TNR: variants seen among roughly 807,000 people sequenced by gnomAD.
The protein encoded by TNR is tenascin R.
In TNR, 45 loss-of-function variants were observed where a neutral mutation model predicts 150.4. The ratio of observed to expected loss-of-function variants is 0.30; its 90% CI spans 0.24 to 0.38. The LOEUF (loss-of-function observed/expected upper bound fraction) is 0.38, where lower values mean the gene tolerates loss of function less well. Ranked by LOEUF, TNR falls within the 10% of genes least tolerant of loss-of-function variation. The pLI, the probability that TNR is intolerant of heterozygous loss-of-function variation, is 1.00. For synonymous variants in TNR, 687 were observed against 678.4 expected, an observed-to-expected ratio of 1.01 and a Z score of -0.20; for missense variants, 1,544 against 1,759.1, an observed-to-expected ratio of 0.88 and a Z score of 2.19.
intron 2 of TNR, among the ~76,000 whole-genome samples, chr1:175,444,338 A>G (rs1336260357): frequency 1.3e-5 from 2 of 152,108 alleles, no homozygotes; most frequent in African/African-American, 2.4e-5. Flanking sequence ...GCGAGACTCA[A>G]TGGAGGCCTT....
intron 2 of TNR, among the ~76,000 whole-genome samples, chr1:175,518,944 C>G (rs982170497): frequency 5.9e-5 from 9 of 152,190 alleles, no homozygotes. Context: ...TTTGATAAAG[C>G]TACAGGCATC....
intron 1 of TNR, among the ~76,000 whole-genome samples, chr1:175,551,142 T>G (rs1457736501): frequency 6.6e-6 from 1 of 152,130 alleles, no homozygotes; most frequent in Non-Finnish European, 1.5e-5. Context: ...CATTAGAAAC[T>G]TCCAGAGAAA....
chr1:175,510,051 A>T (rs1321459481), intron 2 of TNR, among the ~76,000 whole-genome samples: 1 of 151,916 alleles, frequency 6.6e-6, no homozygotes, highest in African/African-American at 2.4e-5. Context: ...ACATGGCAAA[A>T]TCCTGTCTCT....
intron 2 of TNR, among the ~76,000 whole-genome samples, chr1:175,511,319 T>G (rs967073128): frequency 6.6e-6 from 1 of 152,264 alleles, no homozygotes; most frequent in Non-Finnish European, 1.5e-5. Context: ...AATTGTGTTT[T>G]CATTTATGTC....
intron 1 of TNR, among the ~76,000 whole-genome samples, chr1:175,566,829 C>T (rs1187420857): frequency 6.6e-6 from 1 of 152,126 alleles, no homozygotes; most frequent in Non-Finnish European, 1.5e-5. Context: ...GTTTTTTTGT[C>T]CACAAGGAGA....
chr1:175,603,877 G>C (rs189050192), intron 1 of TNR, among the ~76,000 whole-genome samples: 1 of 152,202 alleles, frequency 6.6e-6, no homozygotes, highest in African/African-American at 2.4e-5. Flanking sequence ...TAGACTGCAG[G>C]CTCCTTCAGG....
intron 1 of TNR, among the ~76,000 whole-genome samples, chr1:175,652,993 T>G (rs1665047226): frequency 2.0e-5 from 3 of 152,182 alleles, no homozygotes; most frequent in African/African-American, 7.2e-5. Flanking sequence ...ATACATTACT[T>G]TACACCTATA....
intron 1 of TNR, among the ~76,000 whole-genome samples, chr1:175,644,490 T>C (rs1335758381): frequency 1.3e-5 from 2 of 152,212 alleles, no homozygotes; most frequent in Non-Finnish European, 2.9e-5. Context: ...TGAGGACATA[T>C]GTTATAAAGT....
chr1:175,654,949 C>T (rs1274476323), intron 1 of TNR, among the ~76,000 whole-genome samples: 2 of 152,216 alleles, frequency 1.3e-5, no homozygotes, highest in South Asian at 4.1e-4. Flanking sequence ...GTCTCGATCT[C>T]CTGACCTCGT....
At chr1:175,689,106 A>AC (rs1357643745) in intron 1 of TNR, among the ~76,000 whole-genome samples, 1 of 152,158 alleles carries the variant, frequency 6.6e-6, no homozygotes, top group East Asian at 1.9e-4. Flanking sequence ...TCTCTGTAGG[A>AC]CCACGTCGGA....
intron 1 of TNR, among the ~76,000 whole-genome samples, chr1:175,685,740 G>C (rs543585976): frequency 4.6e-5 from 7 of 152,046 alleles, no homozygotes; most frequent in Non-Finnish European, 1.0e-4. Flanking sequence ...AGTTTTCTCA[G>C]GTCCCAAATC....
intron 18 of TNR, among the ~76,000 whole-genome samples, chr1:175,344,560 G>A (rs1010832473): frequency 6.6e-6 from 1 of 152,088 alleles, no homozygotes; most frequent in African/African-American, 2.4e-5. Flanking sequence ...CTGTCCTATT[G>A]AATAGTACAA....
intron 1 of TNR, among the ~76,000 whole-genome samples, chr1:175,590,695 C>A (rs1391610714): frequency 2.0e-5 from 3 of 152,236 alleles, no homozygotes; most frequent in African/African-American, 7.2e-5. Context: ...GGCCAAAGGA[C>A]AGCGTGGGCT....
chr1:175,504,401 G>A (rs1658866521), intron 2 of TNR, among the ~76,000 whole-genome samples: 1 of 152,170 alleles, frequency 6.6e-6, no homozygotes, highest in African/African-American at 2.4e-5. Context: ...GAGGAGGCAG[G>A]TAGCAGTGAA....
intron 2 of TNR, among the ~76,000 whole-genome samples, chr1:175,521,558 G>A (rs1659640262): frequency 6.6e-6 from 1 of 152,236 alleles, no homozygotes; most frequent in Non-Finnish European, 1.5e-5. Context: ...TGGCACAGGT[G>A]CCCAGGGAGA....
intron 2 of TNR, among the ~76,000 whole-genome samples, chr1:175,510,966 G>A (rs1659146617): frequency 6.6e-6 from 1 of 152,216 alleles, no homozygotes; most frequent in Non-Finnish European, 1.5e-5. Context: ...GGAATTAGCT[G>A]CTTATATGGC....
intron 2 of TNR, among the ~76,000 whole-genome samples, chr1:175,417,196 TA>T (rs1428466973): frequency 6.6e-6 from 1 of 152,170 alleles, no homozygotes; most frequent in Non-Finnish European, 1.5e-5. Flanking sequence ...GAATTAACAT[TA>T]CTAATTTAAA....
chr1:175,504,676 G>C (rs975533521), intron 2 of TNR, among the ~76,000 whole-genome samples: 3 of 152,072 alleles, frequency 2.0e-5, no homozygotes, highest in Non-Finnish European at 4.4e-5. Context: ...TGGAGCCCCC[G>C]GCCTTCCATA....
chr1:175,413,552 C>T (rs886737173), intron 2 of TNR, among the ~76,000 whole-genome samples: 2 of 152,168 alleles, frequency 1.3e-5, no homozygotes, highest in Admixed American at 6.5e-5. Context: ...TTAGAAGGCT[C>T]GAGGGGACTA....
Sources: gnomAD v4.1 joint callset for allele counts (sites outside exome capture counted in the v4.1 genomes callset) on GRCh38, gnomAD v4.1.1 for gene constraint, MANE v1.5 for transcripts, NCBI Gene and HGNC (gene_info 2026-07-23, HGNC 2026-07-21) for gene names.